APBB2: variants seen among roughly 807,000 people sequenced by gnomAD.
APBB2 encodes amyloid beta precursor protein binding family B member 2.
In APBB2, 38 loss-of-function variants were observed where a neutral mutation model predicts 82.5. The ratio of observed to expected loss-of-function variants is 0.46; its 90% confidence interval spans 0.36 to 0.60. The LOEUF is 0.60. Among genes scored for constraint, APBB2 ranks in the 20% least tolerant of loss-of-function variants. The probability of loss-of-function intolerance (pLI) is 0.00; values close to 1 mark genes in which losing one functional copy is unlikely to be tolerated. For synonymous variants in APBB2, 341 were observed against 368.2 expected (o/e 0.93, Z 0.85); for missense variants, 772 against 972.3 (o/e 0.79, Z 2.74).
At chr4:40,834,394 C>T (rs1309141608) in intron 12 of APBB2, among the ~76,000 whole-genome samples, 1 of 152,186 alleles carries the variant, frequency 6.6e-6, no homozygotes, top group Non-Finnish European at 1.5e-5. Context: ...AGAGCACAGA[C>T]CAGTGGAGCG....
At chr4:40,985,375 T>C (rs193248154) in intron 6 of APBB2, among the ~76,000 whole-genome samples, 1 of 152,310 alleles carries the variant, frequency 6.6e-6, no homozygotes, top group East Asian at 1.9e-4. Flanking sequence ...GGAAGCTATG[T>C]TTAATTGAGT....
rs535510941 is a variant in APBB2 at position 40,963,538 on chromosome 4, G to A, written c.836-18465C>T. Reference sequence around the variant, plus strand: ...GCTGGGATTACAGGCATGGGCCACCGCGCCCAGCCTCTATTACTTTTTCTA... The same window carrying A: ...GCTGGGATTACAGGCATGGGCCACCACGCCCAGCCTCTATTACTTTTTCTA... On this transcript the variant is annotated intron_variant, in intron 6 of 17. Coordinates refer to ENST00000508593, the MANE Select transcript of APBB2 (RefSeq NM_004307.2). 7.4e-4 allele frequency among the ~76,000 whole-genome samples: 113 copies of A among 152,328 alleles called. No homozygotes were observed. In the South Asian group the frequency reaches 0.012, roughly 16 times the overall value.
chr4:40,941,517 A>G (rs1786918206), intron 7 of APBB2, among the ~76,000 whole-genome samples: 1 of 152,216 alleles, frequency 6.6e-6, no homozygotes, highest in Non-Finnish European at 1.5e-5. Flanking sequence ...TCTACCATGT[A>G]TTAGCTGTGT....
At chr4:41,135,169 C>CA (rs5857778) in intron 2 of APBB2, among the ~76,000 whole-genome samples, 1,024 of 99,494 alleles carry the variant, frequency 0.01, 9 homozygotes, top group Admixed American at 0.016. Context: ...CTTGAGCCCT[C>CA]AAAAAAAAAA....
At chr4:41,180,274 T>C (rs1580667664) in intron 1 of APBB2, among the ~76,000 whole-genome samples, 1 of 152,218 alleles carries the variant, frequency 6.6e-6, no homozygotes, top group East Asian at 1.9e-4. Context: ...TAAACCTGCA[T>C]GAAGGTGGGG....
At chr4:41,115,213 G>C (rs1467617808) in intron 2 of APBB2, among the ~76,000 whole-genome samples, 1 of 152,146 alleles carries the variant, frequency 6.6e-6, no homozygotes, top group Non-Finnish European at 1.5e-5. Context: ...ACAAAAACAA[G>C]CAATGGGGAA....
chr4:40,828,779 T>C (rs1279849375), intron 13 of APBB2, among the ~76,000 whole-genome samples: 5 of 152,232 alleles, frequency 3.3e-5, no homozygotes, highest in Non-Finnish European at 7.3e-5. Context: ...ATAAACGTGG[T>C]GATCTCAAGA....
intron 10 of APBB2, among the ~76,000 whole-genome samples, chr4:40,911,561 G>GT (rs990144702): frequency 2.0e-5 from 3 of 152,168 alleles, no homozygotes; most frequent in Non-Finnish European, 4.4e-5. Context: ...TACACTGTAG[G>GT]CCACAGGGCC....
chr4:41,062,157 CTTATTTATTTAT>C (rs139030241), intron 4 of APBB2, among the ~76,000 whole-genome samples: 10 of 149,374 alleles, frequency 6.7e-5, no homozygotes, highest in East Asian at 6.0e-4. Context: ...ACAAGCAAAT[CTTATTTATTTAT>C]TTATTTATTT....
At chr4:41,193,572 A>G in intron 1 of APBB2, 4 of 985,288 alleles carry the variant, frequency 4.1e-6, no homozygotes, top group Non-Finnish European at 4.8e-6. Context: ...CCCCAAGGTA[A>G]GCTACTTTTT....
At chr4:41,062,155 A>C (rs1730072064) in intron 4 of APBB2, among the ~76,000 whole-genome samples, 2 of 103,370 alleles carry the variant, frequency 1.9e-5, no homozygotes, top group Non-Finnish European at 4.0e-5. Flanking sequence ...CAACAAGCAA[A>C]TCTTATTTAT....
intron 16 of APBB2, chr4:40,822,608 G>T (rs1298492160): frequency 6.5e-6 from 1 of 152,678 alleles, no homozygotes; most frequent in East Asian, 1.9e-4. Flanking sequence ...GGATCCACAT[G>T]AGGCAGCGTA....
intron 11 of APBB2, among the ~76,000 whole-genome samples, chr4:40,891,104 T>C (rs1771892692): frequency 6.6e-6 from 1 of 152,252 alleles, no homozygotes; most frequent in Non-Finnish European, 1.5e-5. Flanking sequence ...GGGCTTGGAT[T>C]GTTACTATCC....
intron 3 of APBB2, among the ~76,000 whole-genome samples, chr4:41,077,149 C>T (rs1296974999): frequency 2.7e-5 from 4 of 150,182 alleles, no homozygotes; most frequent in Non-Finnish European, 3.0e-5. Context: ...GGACTACAGG[C>T]GCATACCACC....
intron 12 of APBB2, among the ~76,000 whole-genome samples, chr4:40,861,313 G>A (rs1221312391): frequency 6.6e-6 from 1 of 151,054 alleles, no homozygotes; most frequent in East Asian, 2.0e-4. Context: ...TCACACCGCT[G>A]CACTCCAGCC....
intron 10 of APBB2, among the ~76,000 whole-genome samples, chr4:40,922,525 C>T (rs1238243259): frequency 6.6e-6 from 1 of 152,190 alleles, no homozygotes; most frequent in Admixed American, 6.6e-5. Flanking sequence ...GCTATAGGGC[C>T]TCACAATTGG....
At chr4:41,072,584 C>G (rs1734261485) in intron 3 of APBB2, among the ~76,000 whole-genome samples, 1 of 152,198 alleles carries the variant, frequency 6.6e-6, no homozygotes, top group East Asian at 1.9e-4. Flanking sequence ...TGAACACATA[C>G]TTGGGCTGTT....
chr4:40,998,811 A>G (rs1804340650), intron 6 of APBB2, among the ~76,000 whole-genome samples: 1 of 152,210 alleles, frequency 6.6e-6, no homozygotes, highest in South Asian at 2.1e-4. Flanking sequence ...GCAATGCTAC[A>G]ACAGCTGATC....
intron 6 of APBB2, among the ~76,000 whole-genome samples, chr4:40,968,552 C>T (rs545885417): frequency 1.3e-5 from 2 of 152,254 alleles, no homozygotes; most frequent in South Asian, 4.2e-4. Context: ...GCATGCAATG[C>T]CCTCTTCAAT....
Sources: allele counts gnomAD v4.1 joint callset (sites outside exome capture counted in the v4.1 genomes callset), GRCh38; gene constraint gnomAD v4.1.1; transcripts MANE v1.5; gene names NCBI Gene and HGNC (gene_info 2026-07-23, HGNC 2026-07-21).